The following LGR6 variants were observed in gnomAD, a reference collection of about 807,000 sequenced individuals.
LGR6 encodes leucine rich repeat containing G protein-coupled receptor 6.
A neutral mutation model predicts 69.4 loss-of-function variants in LGR6; 45 were observed. The ratio of observed to expected loss-of-function variants is 0.65; its 90% CI spans 0.51 to 0.83. The LOEUF (loss-of-function observed/expected upper bound fraction) is 0.83, where lower values mean the gene tolerates loss of function less well. Among genes scored for constraint, LGR6 ranks in the 40% least tolerant of loss-of-function variants. LGR6 has a pLI of 0.00. For missense variants in LGR6, 1,108 were observed against 1,246.7 expected (o/e 0.89, Z 1.68); for synonymous variants, 538 against 555.0 (o/e 0.97, Z 0.43).
At chr1:202,282,843 C>G (rs758973147) in intron 6 of LGR6, among the ~76,000 whole-genome samples, 64 of 152,336 alleles carry the variant, frequency 4.2e-4, no homozygotes, top group Middle Eastern at 3.4e-3. Context: ...CGCTAAGCGC[C>G]CACTGTACCT....
intron 4 of LGR6, among the ~76,000 whole-genome samples, chr1:202,246,154 C>T (rs1213753247): frequency 1.8e-5 from 1 of 56,646 alleles, no homozygotes; most frequent in Non-Finnish European, 3.4e-5. Context: ...CCATCCCCAT[C>T]CCTCCCTCCC....
Position 202,193,940 on chromosome 1 carries a change from C to T in LGR6, c.-50C>T, listed in dbSNP as rs1368707844. 2 of 1,186,614 alleles carry T rather than the reference C, an allele frequency of 1.7e-6. No individual in the cohort carries two copies. The highest frequency in any genetic ancestry group is 2.1e-6 in the Non-Finnish European group (2 of 932,470). 73.5% of individuals were successfully genotyped at this position (1,186,614 alleles called of 1,614,324 possible). On this transcript the variant is annotated 5_prime_UTR_variant, in exon 1 of 18. Coordinates refer to ENST00000367278, the MANE Select transcript of LGR6 (RefSeq NM_001017403.2). ...GGAGGAAGCAGCTGCGGCCATCGCGCCGTGCGTCCGCGCCCGGCCGCCAGG... is the reference window on the plus strand; with the variant it reads ...GGAGGAAGCAGCTGCGGCCATCGCGTCGTGCGTCCGCGCCCGGCCGCCAGG...
At chr1:202,196,543 G>A (rs552707429) in intron 1 of LGR6, among the ~76,000 whole-genome samples, 18 of 152,310 alleles carry the variant, frequency 1.2e-4, no homozygotes, top group African/African-American at 4.1e-4. Context: ...TTCCTTCCTA[G>A]CTCTGCCACC....
At chr1:202,309,264 A>G in intron 15 of LGR6, 88 bp downstream of exon 15, 1 of 1,516,354 alleles carries the variant, frequency 6.6e-7, no homozygotes, top group Non-Finnish European at 9.0e-7. Context: ...CCACCCTGAG[A>G]AGAGCCTAGA....
At chr1:202,230,271 C>A (rs1260028846) in intron 3 of LGR6, among the ~76,000 whole-genome samples, 1 of 152,146 alleles carries the variant, frequency 6.6e-6, no homozygotes, top group South Asian at 2.1e-4. Context: ...ACACCCCCAC[C>A]CATCCCTGCC....
rs750306525 is a variant in LGR6, at chr1:202,314,863, C to T, written c.1629C>T (p.Val543=). 6.2e-7 allele frequency: 1 copy of T among 1,613,800 alleles called. No homozygotes were observed. The highest frequency in any genetic ancestry group is 1.7e-5 in the Admixed American group (1 of 60,030). The change falls in exon 17 of 18, where the codon GTC becomes GTT. Residue 543 remains valine (V), a synonymous_variant. Transcript: ENST00000367278. ...EMEDSKPHPS[V]QCSPTPGPFK... is the part of the protein sequence containing the mutation. ...AGGACTCAAAGCCACACCCCAGTGT[C>T]CAGTGTAGCCCTACTCCAGGTGAGG...
Position 202,318,477 on chromosome 1 carries a change from G to A in LGR6, c.2174G>A (p.Gly725Asp), listed in dbSNP as rs1654347156. ...TGCCTGCCCTACGCGCCACCTGAGG[G>A]TCAGCCAGCAGCCCTGGGCTTCACC... is the stretch of plus-strand genomic sequence containing the variant. ...PLCLPYAPPEGQPAALGFTVA... is the reference protein window; with the variant it reads ...PLCLPYAPPEDQPAALGFTVA... Residue 725 changes from glycine (G) to aspartate (D), a missense_variant, in exon 18 of 18, where the codon GGT (glycine) becomes GAT (aspartate). Physicochemically the swap from Gly to Asp is moderately conservative, Grantham distance 94. Coordinates refer to ENST00000367278, the MANE Select transcript of LGR6 (RefSeq NM_001017403.2). 1 of 1,613,786 alleles carries A rather than the reference G, an allele frequency of 6.2e-7. No homozygotes were observed. Among genetic ancestry groups the A allele is most frequent in the Middle Eastern group, 1.6e-4 (1 of 6,062 alleles).
chr1:202,255,808 C>A (rs969483584), intron 4 of LGR6, among the ~76,000 whole-genome samples: 17 of 152,172 alleles, frequency 1.1e-4, no homozygotes, highest in Non-Finnish European at 2.2e-4. Context: ...ATTATGTCAG[C>A]ATCTGGTTTA....
intron 4 of LGR6, among the ~76,000 whole-genome samples, chr1:202,267,952 G>A (rs973752271): frequency 2.0e-5 from 3 of 152,200 alleles, no homozygotes; most frequent in East Asian, 3.8e-4. Context: ...AGTGAGGGAG[G>A]GATGTGGGGG....
chr1:202,211,868 C>T (rs996960720), intron 1 of LGR6, among the ~76,000 whole-genome samples: 6 of 152,126 alleles, frequency 3.9e-5, no homozygotes, highest in African/African-American at 1.4e-4. Flanking sequence ...TAGCAACGAT[C>T]GTGATTTCTA....
At chr1:202,309,745 G>C (rs573223746) in intron 15 of LGR6, among the ~76,000 whole-genome samples, 2 of 152,366 alleles carry the variant, frequency 1.3e-5, no homozygotes, top group East Asian at 1.9e-4. Context: ...GCCCAGAGGT[G>C]GGGGAGGGAT....
intron 4 of LGR6, among the ~76,000 whole-genome samples, chr1:202,263,701 G>T (rs1257720601): frequency 6.6e-6 from 1 of 152,196 alleles, no homozygotes; most frequent in East Asian, 1.9e-4. Flanking sequence ...GCTCTAGAAA[G>T]AGGAGTTTTA....
chr1:202,298,372 C>G (rs1558072752), intron 7 of LGR6, among the ~76,000 whole-genome samples: 1 of 152,074 alleles, frequency 6.6e-6, no homozygotes, highest in Non-Finnish European at 1.5e-5. Flanking sequence ...GGAAGTTGAG[C>G]TGGCAGAGGG....
At chr1:202,220,076 C>T (rs549478521) in intron 1 of LGR6, among the ~76,000 whole-genome samples, 1 of 152,112 alleles carries the variant, frequency 6.6e-6, no homozygotes, top group East Asian at 1.9e-4. Context: ...GACAGGGTTT[C>T]GCCATTTTGG....
Position 202,318,599 on chromosome 1 carries a change from G to A in LGR6, c.2296G>A (p.Val766Met), listed in dbSNP as rs144541684. 1.2e-4 allele frequency: 196 copies of A among 1,613,966 alleles called. 1 individual carries two copies. Among genetic ancestry groups the A allele is most frequent in the African/African-American group, 1.5e-4 (11 of 75,058 alleles). The change falls in exon 18 of 18, where the codon GTG becomes ATG. Residue 766 changes from valine (V) to methionine (M), a missense_variant. By Grantham distance (21) the Val-to-Met change is conservative. Transcript: ENST00000367278. ...CDLPRGDFEA[V>M]WDCAMVRHVA... ...CCTGCCGCGGGGCGACTTTGAGGCC[G>A]TGTGGGACTGCGCCATGGTGAGGCA...
Position 202,265,927 on chromosome 1 carries a change from AGTT to A in LGR6, c.429-10375_429-10373del, listed in dbSNP as rs548250339. The stretch of plus-strand genomic sequence containing the variant: ...GTGACCAAAGTGGGCACTTGGGTAA[AGTT>A]GTTCAAAGCTCTGAAGTTGGCCTTT... On this transcript the variant is annotated intron_variant, in intron 4 of 17. Transcript: ENST00000367278. Among the ~76,000 whole-genome samples, 587 of 152,250 alleles carry A rather than the reference AGTT, an allele frequency of 3.9e-3. 2 individuals are homozygous for A. Among genetic ancestry groups the A allele is most frequent in the African/African-American group, 0.014 (563 of 41,544 alleles).
At chr1:202,233,890 G>T (rs772887821) in intron 3 of LGR6, among the ~76,000 whole-genome samples, 1 of 152,158 alleles carries the variant, frequency 6.6e-6, no homozygotes. Context: ...TAAGGCCCGC[G>T]GTTCTTAAGT....
At chr1:202,298,317 G>A (rs1667311151) in intron 7 of LGR6, among the ~76,000 whole-genome samples, 1 of 152,162 alleles carries the variant, frequency 6.6e-6, no homozygotes, top group South Asian at 2.1e-4. Context: ...GTGGGGAAGG[G>A]GAGAGGCATT....
At chr1:202,265,721 T>G (rs911061268) in intron 4 of LGR6, among the ~76,000 whole-genome samples, 1 of 152,248 alleles carries the variant, frequency 6.6e-6, no homozygotes. Flanking sequence ...GTGGGGTCCC[T>G]GTTAGCTGTC....
Sources: allele counts gnomAD v4.1 joint callset (sites outside exome capture counted in the v4.1 genomes callset), GRCh38; gene constraint gnomAD v4.1.1; transcripts MANE v1.5; gene names NCBI Gene and HGNC (gene_info 2026-07-23, HGNC 2026-07-21).